GPC5: variants seen among roughly 807,000 people sequenced by gnomAD.
GPC5 encodes the protein glypican 5.
A neutral mutation model predicts 53.9 loss-of-function variants in GPC5; 47 were observed. The observed-to-expected ratio is 0.87, with a 90% CI of 0.69 to 1.11. The LOEUF is 1.11. GPC5 is among the 50% of genes most tolerant of loss of function. The pLI is 0.00. For missense variants in GPC5, 748 were observed against 713.1 expected, an observed-to-expected ratio of 1.05 and a Z score of -0.56; for synonymous variants, 286 against 263.3, an observed-to-expected ratio of 1.09 and a Z score of -0.84.
At chr13:92,035,752 T>C (rs1176427295) in intron 6 of GPC5, among the ~76,000 whole-genome samples, 1 of 118,438 alleles carries the variant, frequency 8.4e-6, no homozygotes, top group Admixed American at 9.1e-5. Context: ...TCTGAGGAAA[T>C]GTTAAAAAAA....
Position 91,571,795 on chromosome 13 carries a change from GTA to G in GPC5, c.326-121385_326-121384del, listed in dbSNP as rs1251466417. Among the ~76,000 whole-genome samples the G allele has an allele frequency of 5.8e-5, 7 of 120,114 alleles. 1 individual carries two copies. The highest frequency in any genetic ancestry group is 2.5e-4 in the East Asian group (1 of 3,986). 78.8% of individuals were successfully genotyped at this position (120,114 alleles called of 152,430 possible). A position where few individuals can be genotyped will look rare whatever the true frequency, so the allele number is the denominator to read the frequency against. The stretch of plus-strand genomic sequence containing the variant: ...TATATACACACACATATACGTGTGT[GTA>G]TATATACACACACATACGTGTGTGT... On this transcript the variant is annotated intron_variant, in intron 2 of 7. Transcript: ENST00000377067.
intron 7 of GPC5, among the ~76,000 whole-genome samples, chr13:92,399,177 CT>C (rs1410781665): frequency 6.6e-6 from 1 of 152,170 alleles, no homozygotes; most frequent in Admixed American, 6.5e-5. Flanking sequence ...CACACGCTAT[CT>C]ATGTGTGCTG....
At chr13:91,505,292 CAA>C (rs1190298862) in intron 2 of GPC5, among the ~76,000 whole-genome samples, 1 of 151,816 alleles carries the variant, frequency 6.6e-6, no homozygotes, top group African/African-American at 2.4e-5. Context: ...CGAGATATAT[CAA>C]GAGAGAAAAA....
chr13:92,411,805 A>G (rs527432347), intron 7 of GPC5, among the ~76,000 whole-genome samples: 2 of 152,322 alleles, frequency 1.3e-5, no homozygotes, highest in South Asian at 2.1e-4. Context: ...TCCGCGTCAA[A>G]TGTAGGTATC....
In GPC5 at chr13:91,948,400, T is replaced by C. The variant is rs544304703; in HGVS notation, c.1401+40343T>C. 1.2e-3 allele frequency among the ~76,000 whole-genome samples: 183 copies of C among 152,268 alleles called. 1 individual carries two copies. The highest frequency in any genetic ancestry group is 2.2e-3 in the Non-Finnish European group (149 of 68,008). On this transcript the variant is annotated intron_variant, in intron 6 of 7. Coordinates refer to ENST00000377067, the MANE Select transcript of GPC5 (RefSeq NM_004466.6). ...GATATTCATTCATTCATTCATTCAT[T>C]CAATTAATATTCATTGAATGTGTAC...
In GPC5 at chr13:92,018,085, A is replaced by G. The variant is rs140314369; in HGVS notation, c.1401+110028A>G. ...TTTAGTGGCTGAGGGCTTTTTAAAG[A>G]ACTGGTATCTGGAGCAAATTCTCAG... On this transcript the variant is annotated intron_variant, in intron 6 of 7. Transcript: ENST00000377067. Among the ~76,000 whole-genome samples the G allele has an allele frequency of 3.6e-3, 545 of 152,168 alleles. 8 individuals carry two copies. In the East Asian group the frequency reaches 0.04, roughly 11 times the overall value.
chr13:91,480,347 C>T (rs1883232245), intron 2 of GPC5, among the ~76,000 whole-genome samples: 1 of 152,130 alleles, frequency 6.6e-6, no homozygotes, highest in African/African-American at 2.4e-5. Flanking sequence ...TTCTAAAATT[C>T]CCCTGCTATG....
chr13:91,593,074 C>A (rs2032863402), intron 2 of GPC5, among the ~76,000 whole-genome samples: 1 of 152,192 alleles, frequency 6.6e-6, no homozygotes, highest in Non-Finnish European at 1.5e-5. Context: ...CCCACATCAG[C>A]CTAGATGTCC....
chr13:92,237,350 G>A (rs529933340), intron 7 of GPC5, among the ~76,000 whole-genome samples: 2 of 152,144 alleles, frequency 1.3e-5, no homozygotes, highest in East Asian at 3.9e-4. Flanking sequence ...CTCCTGAGTA[G>A]CTGGGACTAC....
chr13:92,085,974 G>C (rs994768314), intron 6 of GPC5, among the ~76,000 whole-genome samples: 4 of 152,168 alleles, frequency 2.6e-5, no homozygotes, highest in African/African-American at 9.7e-5. Context: ...GGACTAGTAT[G>C]GGTTTGGAGA....
chr13:91,662,198 A>C (rs1451289213), intron 2 of GPC5, among the ~76,000 whole-genome samples: 1 of 152,236 alleles, frequency 6.6e-6, no homozygotes, highest in Non-Finnish European at 1.5e-5. Context: ...AGAGGCTGAG[A>C]AAAACATGAC....
At chr13:91,551,781 C>T (rs2030655110) in intron 2 of GPC5, among the ~76,000 whole-genome samples, 1 of 151,938 alleles carries the variant, frequency 6.6e-6, no homozygotes, top group South Asian at 2.1e-4. Context: ...GTTCTTAACA[C>T]TAGGAGAGAA....
chr13:92,408,570 T>A (rs1025891428), intron 7 of GPC5, among the ~76,000 whole-genome samples: 1 of 151,922 alleles, frequency 6.6e-6, no homozygotes, highest in African/African-American at 2.4e-5. Flanking sequence ...AGGGAGCAAG[T>A]GATTGGCATC....
chr13:92,582,007 T>C (rs1883389031), intron 7 of GPC5, among the ~76,000 whole-genome samples: 1 of 152,198 alleles, frequency 6.6e-6, no homozygotes. Flanking sequence ...AGGTTGTCTC[T>C]TCACTCTGTT....
intron 7 of GPC5, among the ~76,000 whole-genome samples, chr13:92,739,997 T>C (rs1409150341): frequency 6.6e-6 from 1 of 152,062 alleles, no homozygotes; most frequent in African/African-American, 2.4e-5. Context: ...TTCCATATTA[T>C]TTACCTCAGT....
chr13:92,569,507 C>A (rs1289241970), intron 7 of GPC5, among the ~76,000 whole-genome samples: 1 of 152,064 alleles, frequency 6.6e-6, no homozygotes, highest in East Asian at 1.9e-4. Context: ...CATAGCAACC[C>A]AATCTTTGCC....
chr13:91,909,281 A>G (rs1470337521), intron 6 of GPC5, among the ~76,000 whole-genome samples: 1 of 152,310 alleles, frequency 6.6e-6, no homozygotes, highest in East Asian at 1.9e-4. Context: ...AGTATCGTCC[A>G]CTATAGTATA....
chr13:91,474,230 A>C (rs1566431006), intron 2 of GPC5, among the ~76,000 whole-genome samples: 2 of 152,162 alleles, frequency 1.3e-5, no homozygotes, highest in African/African-American at 4.8e-5. Context: ...AAGAGTGCTT[A>C]GTCATTATGT....
At chr13:92,464,791 T>C (rs1878626878) in intron 7 of GPC5, among the ~76,000 whole-genome samples, 1 of 151,992 alleles carries the variant, frequency 6.6e-6, no homozygotes, top group Non-Finnish European at 1.5e-5. Flanking sequence ...TCAACGTGTG[T>C]TTGTTTATGG....
Sources: gnomAD v4.1 joint callset for allele counts (sites outside exome capture counted in the v4.1 genomes callset) on GRCh38, gnomAD v4.1.1 for gene constraint, MANE v1.5 for transcripts, NCBI Gene and HGNC (gene_info 2026-07-23, HGNC 2026-07-21) for gene names.